PCDHGA4: variants seen among roughly 807,000 people sequenced by gnomAD.
The protein encoded by PCDHGA4 is protocadherin gamma-A4.
A neutral mutation model predicts 54.6 loss-of-function variants in PCDHGA4; 38 were observed. The ratio of observed to expected loss-of-function variants is 0.70; its 90% confidence interval spans 0.54 to 0.91. The LOEUF (loss-of-function observed/expected upper bound fraction) is 0.91, where lower values mean the gene tolerates loss of function less well. Ranked by LOEUF, PCDHGA4 falls within the 40% of genes least tolerant of loss-of-function variation. The pLI is 0.00. For missense variants in PCDHGA4, 1,298 were observed against 1,220.9 expected (o/e 1.06, Z -0.94); for synonymous variants, 511 against 512.9 (o/e 1.00, Z 0.05).
At position 141,394,947 on chromosome 5, in the gene PCDHGA4, C is replaced by T. The variant is rs536743847; in HGVS notation, c.2514+37326C>T. The T allele has an allele frequency of 1.7e-5, 27 of 1,613,892 alleles. No homozygotes were observed. In the African/African-American group the frequency reaches 2.8e-4, roughly 17 times the overall value. Reference sequence around the variant, plus strand: ...CTTCCTCGCCTTTGTCGCTGTGCTTCTGGGGCTCAGGCTGAGGCGCTGGCA... The same window carrying T: ...CTTCCTCGCCTTTGTCGCTGTGCTTTTGGGGCTCAGGCTGAGGCGCTGGCA... On this transcript the variant is annotated intron_variant, in intron 1 of 3. Coordinates refer to ENST00000571252, the MANE Select transcript of PCDHGA4 (RefSeq NM_018917.4).
chr5:141,421,322 T>TC (rs761059925), intron 1 of PCDHGA4: 24 of 1,613,746 alleles, frequency 1.5e-5, no homozygotes, highest in Middle Eastern at 1.6e-4. Flanking sequence ...GCCAGGCAGA[T>TC]CCGATATTCG....
At position 141,419,393 on chromosome 5, in the gene PCDHGA4, G is replaced by C; in HGVS notation, c.2514+61772G>C. On this transcript the variant is annotated intron_variant, in intron 1 of 3. Transcript: ENST00000571252. ...CTACGTGTCCGTGAGCGCGCAGAGC[G>C]GGGTGGTGTTCGCGCAGCGCGCCTT... 1.2e-6 allele frequency: 2 copies of C among 1,613,620 alleles called. No homozygotes were observed. The highest frequency in any genetic ancestry group is 1.7e-6 in the Non-Finnish European group (2 of 1,179,912).
At chr5:141,389,862 C>T (rs2091950734) in intron 1 of PCDHGA4, 1 of 1,613,964 alleles carries the variant, frequency 6.2e-7, no homozygotes, top group African/African-American at 1.3e-5. Flanking sequence ...CACGTTGCAC[C>T]TGGTCTTCGC....
At chr5:141,469,992 G>A (rs894673835) in intron 1 of PCDHGA4, among the ~76,000 whole-genome samples, 10 of 152,054 alleles carry the variant, frequency 6.6e-5, no homozygotes, top group South Asian at 2.1e-4. Context: ...TTAGCTGGTC[G>A]TCGTGGCACG....
At position 141,457,403 on chromosome 5, in the gene PCDHGA4, C is replaced by A. The variant is rs550748216; in HGVS notation, c.2515-37404C>A. On this transcript the variant is annotated intron_variant, in intron 1 of 3. Transcript: ENST00000571252. ...GAACTAGCATATTGATTCACATTTT[C>A]ACATTACCCATCCCTTTTTCCCCCC... Among the ~76,000 whole-genome samples, 4 of 152,328 alleles carry A rather than the reference C, an allele frequency of 2.6e-5. No homozygotes were observed. In the East Asian group the frequency reaches 7.7e-4, roughly 29 times the overall value.
At position 141,489,662 on chromosome 5, in the gene PCDHGA4, G is replaced by A. The variant is rs2233601; in HGVS notation, c.2515-5145G>A. On this transcript the variant is annotated intron_variant, in intron 1 of 3. Coordinates refer to ENST00000571252, the MANE Select transcript of PCDHGA4 (RefSeq NM_018917.4). This position sits in a 1 kb window ranked among gnomAD's most constrained non-coding sequence, Gnocchi z 4.5. ...TTTGCCACCCCTGAGCGAGAGATGC[G>A]CATCTCAGAATCAGCAGCATCTGGG... The A allele has an allele frequency of 4.0e-4, 649 of 1,614,144 alleles. 2 individuals are homozygous for A. The highest frequency in any genetic ancestry group is 1.5e-3 in the Middle Eastern group (9 of 6,062).
chr5:141,479,710 T>C (rs901198074), intron 1 of PCDHGA4: 1 of 152,264 alleles, frequency 6.6e-6, no homozygotes, highest in African/African-American at 2.4e-5. Flanking sequence ...GTCCCTGTCC[T>C]TCCAGCCTTA....
At position 141,431,424 on chromosome 5, in the gene PCDHGA4, G is replaced by A; in HGVS notation, c.2515-63383G>A. The A allele has an allele frequency of 1.9e-6, 3 of 1,613,676 alleles. No individual in the cohort carries two copies. The highest frequency in any genetic ancestry group is 2.5e-6 in the Non-Finnish European group (3 of 1,180,028). On this transcript the variant is annotated intron_variant, in intron 1 of 3. Coordinates refer to ENST00000571252, the MANE Select transcript of PCDHGA4 (RefSeq NM_018917.4). The surrounding 1 kb of genome is among the most constrained non-coding windows in gnomAD (Gnocchi z 4.8). ...GCCTCCGACGGGGGCGACCCGGTGC[G>A]CACAGGCACCGCGCGCATCCGCGTG... is the stretch of plus-strand genomic sequence containing the variant.
intron 1 of PCDHGA4, chr5:141,395,894 C>G (rs768471284): frequency 1.3e-5 from 2 of 152,020 alleles, no homozygotes; most frequent in Non-Finnish European, 2.9e-5. Flanking sequence ...CACCTGGGCT[C>G]CATGCCCATG....
chr5:141,454,618 C>T (rs1259161504), intron 1 of PCDHGA4, among the ~76,000 whole-genome samples: 1 of 151,470 alleles, frequency 6.6e-6, no homozygotes, highest in Non-Finnish European at 1.5e-5. Flanking sequence ...GTTGGTCAGG[C>T]TGGTCTCGAA....
chr5:141,455,244 T>C (rs977940552), intron 1 of PCDHGA4, among the ~76,000 whole-genome samples: 1 of 152,142 alleles, frequency 6.6e-6, no homozygotes, highest in Admixed American at 6.5e-5. Flanking sequence ...TTAAAGGTCA[T>C]AGTACAATCG....
intron 1 of PCDHGA4, chr5:141,389,763 G>C: frequency 6.2e-7 from 1 of 1,612,978 alleles, no homozygotes; most frequent in African/African-American, 1.3e-5. Context: ...AGTGCGCACA[G>C]CGCGTGCCTT....
rs184860941 is a variant in PCDHGA4, at chr5:141,386,661, G to A, written c.2514+29040G>A. On this transcript the variant is annotated intron_variant, in intron 1 of 3. Coordinates refer to ENST00000571252, the MANE Select transcript of PCDHGA4 (RefSeq NM_018917.4). ...CTGGATACATTTTACAAGTTCTGCA[G>A]TGTTCACATTTCAGATGTACAATCA... Among the ~76,000 whole-genome samples the A allele has an allele frequency of 2.0e-4, 31 of 152,110 alleles. No individual in the cohort carries two copies. In the East Asian group the frequency reaches 3.5e-3, roughly 17 times the overall value.
chr5:141,448,329 A>T (rs1166759766), intron 1 of PCDHGA4, among the ~76,000 whole-genome samples: 1 of 152,146 alleles, frequency 6.6e-6, no homozygotes, highest in Non-Finnish European at 1.5e-5. Context: ...TTGAATCTTT[A>T]TAGCCATGTA....
Position 141,490,083 on chromosome 5 carries a change from T to G in PCDHGA4, c.2515-4724T>G. Reference sequence around the variant, plus strand: ...CCAACGGCCAACTAGACTATTCTTTTGGAGACCACACATCTGAGGCAGTGC... The same window carrying G: ...CCAACGGCCAACTAGACTATTCTTTGGGAGACCACACATCTGAGGCAGTGC... On this transcript the variant is annotated intron_variant, in intron 1 of 3. Coordinates refer to ENST00000571252, the MANE Select transcript of PCDHGA4 (RefSeq NM_018917.4). This position sits in a 1 kb window ranked among gnomAD's most constrained non-coding sequence, Gnocchi z 5.4. 1.2e-6 allele frequency: 2 copies of G among 1,614,262 alleles called. No individual in the cohort carries two copies. The highest frequency in any genetic ancestry group is 1.7e-6 in the Non-Finnish European group (2 of 1,180,054).
chr5:141,413,371 C>G (rs752898022), intron 1 of PCDHGA4: 1 of 1,613,966 alleles, frequency 6.2e-7, no homozygotes, highest in Non-Finnish European at 8.5e-7. Context: ...GCTGGCGGAG[C>G]GCGGAGTCCG....
In PCDHGA4 at chr5:141,418,608, GC is replaced by G. The variant is rs1422456031; in HGVS notation, c.2514+60989del. On this transcript the variant is annotated intron_variant, in intron 1 of 3. Transcript: ENST00000571252. Reference sequence around the variant, plus strand: ...TTCAGCCAGGACGTGTACAGGGTTAGCCTTCGGGAAGACGTGCCTCCAGGCA... The same window carrying G: ...TTCAGCCAGGACGTGTACAGGGTTAGCTTCGGGAAGACGTGCCTCCAGGCA... 4 of 1,613,922 alleles carry G rather than the reference GC, an allele frequency of 2.5e-6. No individual in the cohort carries two copies. In the African/African-American group the frequency reaches 5.3e-5, roughly 22 times the overall value.
chr5:141,364,815 TG>T (rs777714340), intron 1 of PCDHGA4: 64 of 1,613,880 alleles, frequency 4.0e-5, no homozygotes, highest in Non-Finnish European at 2.5e-6. Flanking sequence ...GATGCGGATG[TG>T]GGTGTGAACT....
chr5:141,365,053 G>A, intron 1 of PCDHGA4: 1 of 1,613,802 alleles, frequency 6.2e-7, no homozygotes, highest in African/African-American at 1.3e-5. Flanking sequence ...ATGCGCCCCT[G>A]TTCACCCCAT....
Sources: allele counts gnomAD v4.1 joint callset (sites outside exome capture counted in the v4.1 genomes callset), GRCh38; gene constraint gnomAD v4.1.1; non-coding constraint Gnocchi (gnomAD v3.1); transcripts MANE v1.5; gene names NCBI Gene and HGNC (gene_info 2026-07-23, HGNC 2026-07-21).